The following ANKRD11 variants were observed in gnomAD, a reference collection of about 807,000 sequenced individuals.
ANKRD11 encodes ankyrin repeat domain 11, also known as ankyrin repeat domain-containing protein 11.
A neutral mutation model predicts 195.7 loss-of-function variants in ANKRD11; 17 were observed. The observed-to-expected ratio is 0.09, with a 90% CI of 0.06 to 0.13. The LOEUF is 0.13. ANKRD11 is among the 10% of genes least tolerant of loss of function. The pLI is 1.00. For missense variants in ANKRD11, 3,735 were observed against 3,566.1 expected, an observed-to-expected ratio of 1.05 and a Z score of -1.21; for synonymous variants, 1,953 against 1,528.1, an observed-to-expected ratio of 1.28 and a Z score of -6.49.
intron 2 of ANKRD11, among the ~76,000 whole-genome samples, chr16:89,358,406 C>T (rs961267147): frequency 3.9e-5 from 6 of 152,204 alleles, no homozygotes; most frequent in Non-Finnish European, 7.3e-5. Context: ...CAAAGAGCCA[C>T]GTGGATAACT....
chr16:89,300,800 G>T, intron 4 of ANKRD11: 2 of 694,618 alleles, frequency 2.9e-6, no homozygotes, highest in South Asian at 3.0e-5. Flanking sequence ...AGGCACCAGA[G>T]ACCAGGGTGT....
intron 9 of ANKRD11, chr16:89,278,054 C>T (rs1383966965): frequency 5.6e-6 from 1 of 178,190 alleles, no homozygotes; most frequent in Non-Finnish European, 1.2e-5. Flanking sequence ...CTGGGCATAA[C>T]ACAACACACT....
At chr16:89,406,864 A>C (rs1180714821) in intron 2 of ANKRD11, among the ~76,000 whole-genome samples, 1 of 152,210 alleles carries the variant, frequency 6.6e-6, no homozygotes, top group African/African-American at 2.4e-5. Context: ...GGAAAAGGGA[A>C]CAGGAGACAA....
At chr16:89,278,749 G>C (rs1004675565) in intron 9 of ANKRD11, 1 of 547,466 alleles carries the variant, frequency 1.8e-6, no homozygotes, top group Non-Finnish European at 3.5e-6. Flanking sequence ...GGTGGACGGG[G>C]AGTGGAGAGG....
rs138898373 is a variant in ANKRD11 at position 89,284,302 on chromosome 16, G to A, written c.2240C>T (p.Ser747Leu). The change falls in exon 9 of 13, where the codon TCG (serine) becomes TTG (leucine). Residue 747 changes from serine (S) to leucine (L), a missense_variant. By Grantham distance (145) the Ser-to-Leu change is moderately radical (BLOSUM62 -2). Coordinates refer to ENST00000301030, the MANE Select transcript of ANKRD11 (RefSeq NM_013275.6). ...DRSNKAEKER[S>L]LKEKSPKEEK... ...TTCTTTCGGAGACTTTTCCTTCAGC[G>A]ATCTCTCCTTTTCTGCTTTATTCGA... The A allele has an allele frequency of 9.0e-4, 1,447 of 1,613,460 alleles. 1 individual carries two copies. The highest frequency in any genetic ancestry group is 1.1e-3 in the Non-Finnish European group (1,283 of 1,179,960).
chr16:89,280,807 T>C lies in ANKRD11; in HGVS notation c.5735A>G (p.Asp1912Gly). 6.2e-7 allele frequency: 1 copy of C among 1,606,666 alleles called. No individual in the cohort carries two copies. The highest frequency in any genetic ancestry group is 8.5e-7 in the Non-Finnish European group (1 of 1,174,492). ...SLEGALPPDL[D>G]TSEDQQATAA... ...CGTCGCCTGCTGGTCCTCGGAGGTG[T>C]CCAGGTCCGGGGGAAGGGCCCCTTC... Residue 1912 changes from aspartate (D) to glycine (G), a missense_variant, in exon 9 of 13, where the codon GAC becomes GGC. By Grantham distance (94) the Asp-to-Gly change is moderately conservative. Transcript: ENST00000301030.
intron 2 of ANKRD11, among the ~76,000 whole-genome samples, chr16:89,392,995 C>T (rs2041264701): frequency 6.6e-6 from 1 of 151,964 alleles, no homozygotes; most frequent in Non-Finnish European, 1.5e-5. Context: ...TTTCTAAACT[C>T]CAGCCTATTT....
At chr16:89,431,342 G>A (rs2042969232) in intron 1 of ANKRD11, 1 of 152,928 alleles carries the variant, frequency 6.5e-6, no homozygotes, top group Non-Finnish European at 1.5e-5. Flanking sequence ...GAGAGAGCGA[G>A]CTGGTGAGTG....
intron 7 of ANKRD11, chr16:89,286,695 AC>A: frequency 8.0e-7 from 1 of 1,249,858 alleles, no homozygotes; most frequent in Non-Finnish European, 1.0e-6. Flanking sequence ...ATTTTCATTT[AC>A]ATTAGAAAAT....
chr16:89,272,634 C>A (rs2033262936), intron 11 of ANKRD11: 1 of 152,184 alleles, frequency 6.6e-6, no homozygotes, highest in Non-Finnish European at 1.5e-5. Context: ...CGTGCCACTG[C>A]TCTCCAGCCT....
chr16:89,474,374 T>C (rs544799596), intron 1 of ANKRD11, among the ~76,000 whole-genome samples: 34 of 151,490 alleles, frequency 2.2e-4, no homozygotes, highest in African/African-American at 7.8e-4. Flanking sequence ...CCCAGCACTA[T>C]GGGAGGCCAA....
At chr16:89,333,144 C>G (rs115032768) in intron 2 of ANKRD11, among the ~76,000 whole-genome samples, 1 of 152,224 alleles carries the variant, frequency 6.6e-6, no homozygotes, top group Non-Finnish European at 1.5e-5. Flanking sequence ...TCTGGGAACT[C>G]CAGTCAAAGA....
chr16:89,363,754 C>T (rs1309700270), intron 2 of ANKRD11, among the ~76,000 whole-genome samples: 1 of 152,162 alleles, frequency 6.6e-6, no homozygotes, highest in Non-Finnish European at 1.5e-5. Flanking sequence ...CTGCAGGTTC[C>T]AGTCAGGAAG....
At chr16:89,287,599 G>A (rs2034734388) in intron 7 of ANKRD11, 1 of 160,490 alleles carries the variant, frequency 6.2e-6, no homozygotes, top group Non-Finnish European at 1.4e-5. Context: ...TCCAGTTCAC[G>A]TCTCTGGAAG....
rs1259617022 is a variant in ANKRD11, at chr16:89,284,719, T to G, written c.1823A>C (p.Lys608Thr). Reference sequence around the variant, plus strand: ...CTCCGCGCTGGACAGGAAGGGGCTCTTCTTCTCCGACAGGGAGGCTCGCTT... The same window carrying G: ...CTCCGCGCTGGACAGGAAGGGGCTCGTCTTCTCCGACAGGGAGGCTCGCTT... The part of the protein sequence containing the change: ...HRKRASLSEK[K>T]SPFLSSAEGA... Residue 608 changes from lysine (K) to threonine (T), a missense_variant, in exon 9 of 13, where the codon AAG becomes ACG. By Grantham distance (78) the Lys-to-Thr change is moderately conservative (BLOSUM62 -1). Transcript: ENST00000301030. 1.1e-5 allele frequency: 18 copies of G among 1,613,592 alleles called. No homozygotes were observed. The highest frequency in any genetic ancestry group is 1.4e-5 in the Non-Finnish European group (17 of 1,179,854).
At chr16:89,331,162 C>T (rs1401896181) in intron 2 of ANKRD11, among the ~76,000 whole-genome samples, 1 of 152,172 alleles carries the variant, frequency 6.6e-6, no homozygotes, top group African/African-American at 2.4e-5. Context: ...CCATGTTGGC[C>T]AGGCTGGTCT....
chr16:89,470,716 G>A (rs961878726), intron 1 of ANKRD11, among the ~76,000 whole-genome samples: 18 of 151,192 alleles, frequency 1.2e-4, no homozygotes, highest in South Asian at 4.2e-4. Context: ...GTGGCCGGGC[G>A]CGGTGGCTCA....
chr16:89,483,779 G>A (rs2057519046), intron 1 of ANKRD11, among the ~76,000 whole-genome samples: 1 of 146,986 alleles, frequency 6.8e-6, no homozygotes, highest in Non-Finnish European at 1.5e-5. Context: ...GGTGAGCCAA[G>A]ATCATGCCTG....
chr16:89,303,844 C>A (rs928285318), intron 4 of ANKRD11, among the ~76,000 whole-genome samples: 1 of 152,208 alleles, frequency 6.6e-6, no homozygotes, highest in African/African-American at 2.4e-5. Flanking sequence ...TGCTGCCGTT[C>A]CTCTTCAACA....
Sources: gnomAD v4.1 joint callset for allele counts (sites outside exome capture counted in the v4.1 genomes callset) on GRCh38, gnomAD v4.1.1 for gene constraint, MANE v1.5 for transcripts, NCBI Gene and HGNC (gene_info 2026-07-23, HGNC 2026-07-21) for gene names.